The following FNDC3B variants were observed in gnomAD, a reference collection of about 807,000 sequenced individuals.
FNDC3B encodes fibronectin type III domain containing 3B.
In FNDC3B, 12 loss-of-function variants were observed where a neutral mutation model predicts 151.5. That is an observed-to-expected ratio of 0.08 (90% CI 0.05 to 0.13). The LOEUF (loss-of-function observed/expected upper bound fraction) is 0.13. FNDC3B is among the 10% of genes least tolerant of loss of function. The pLI, the probability that FNDC3B is intolerant of heterozygous loss-of-function variation, is 1.00. For synonymous variants in FNDC3B, 528 were observed against 549.0 expected (o/e 0.96, Z 0.54); for missense variants, 1,214 against 1,505.3 (o/e 0.81, Z 3.20).
At chr3:172,271,536 G>T (rs1297231882) in intron 6 of FNDC3B, among the ~76,000 whole-genome samples, 1 of 152,166 alleles carries the variant, frequency 6.6e-6, no homozygotes, top group Admixed American at 6.5e-5. Flanking sequence ...TGATGAAAAA[G>T]AAGATGAAAA....
In FNDC3B at chr3:172,149,806, G is replaced by GTTTTTTT. The variant is rs10561622; in HGVS notation, c.187+16284_187+16290dup. Among the ~76,000 whole-genome samples, 102 of 52,504 alleles carry GTTTTTTT rather than the reference G, an allele frequency of 1.9e-3. 22 individuals carry two copies. The highest frequency in any genetic ancestry group is 7.5e-3 in the African/African-American group (96 of 12,770). The allele number at this position is 52,504 out of a possible 152,430, so 34.4% of individuals were successfully genotyped here. On this transcript the variant is annotated intron_variant, in intron 3 of 25. Coordinates refer to ENST00000415807, the MANE Select transcript of FNDC3B (RefSeq NM_022763.4). ...TGTGTATACCTTTTGTATGTTGGGTGTTTTTTTTTTTTTTTTTTTTTTTTT... is the reference window on the plus strand; with the variant it reads ...TGTGTATACCTTTTGTATGTTGGGTGTTTTTTTTTTTTTTTTTTTTTTTTTTTTTTTT...
chr3:172,159,140 G>A (rs772770779), intron 3 of FNDC3B, among the ~76,000 whole-genome samples: 4 of 152,150 alleles, frequency 2.6e-5, no homozygotes, highest in Non-Finnish European at 4.4e-5. Flanking sequence ...TTAGCTGGGC[G>A]TGGTGGCACA....
At chr3:172,270,183 G>T (rs1476768889) in intron 6 of FNDC3B, among the ~76,000 whole-genome samples, 3 of 152,224 alleles carry the variant, frequency 2.0e-5, no homozygotes, top group Non-Finnish European at 4.4e-5. Context: ...GTGCTTGCGT[G>T]TGCACATGTG....
intron 25 of FNDC3B, among the ~76,000 whole-genome samples, chr3:172,388,226 C>T (rs1249449304): frequency 6.6e-6 from 1 of 152,152 alleles, no homozygotes; most frequent in Non-Finnish European, 1.5e-5. Flanking sequence ...TCTCGCCACC[C>T]TTCCCAAAAA....
chr3:172,134,715 T>C (rs994007505), intron 3 of FNDC3B, among the ~76,000 whole-genome samples: 1 of 152,106 alleles, frequency 6.6e-6, no homozygotes, highest in African/African-American at 2.4e-5. Flanking sequence ...TGAGTTTTAA[T>C]TGAAGTTAAT....
At chr3:172,389,926 A>T (rs1311801410) in intron 25 of FNDC3B, among the ~76,000 whole-genome samples, 1 of 152,224 alleles carries the variant, frequency 6.6e-6, no homozygotes, top group Non-Finnish European at 1.5e-5. Flanking sequence ...TTCTATCAAT[A>T]GACTCCATTT....
chr3:172,143,096 C>T (rs1208627930), intron 3 of FNDC3B, among the ~76,000 whole-genome samples: 2 of 152,062 alleles, frequency 1.3e-5, no homozygotes, highest in Admixed American at 6.6e-5. Flanking sequence ...TATGAATTTG[C>T]GCTGGGGTAG....
Position 172,098,929 on chromosome 3 carries a change from T to TGG in FNDC3B, c.-28-13521_-28-13520dup, listed in dbSNP as rs370573251. On this transcript the variant is annotated intron_variant, in intron 1 of 25. Coordinates refer to ENST00000415807, the MANE Select transcript of FNDC3B (RefSeq NM_022763.4). ...ACCTATTGTGGAGTCCTCGGTTGAA[T>TGG]GGGAGGTTTGTGAGAAGTGGTTTCC... Among the ~76,000 whole-genome samples, 223 of 152,292 alleles carry TGG rather than the reference T, an allele frequency of 1.5e-3. 1 individual carries two copies. Among genetic ancestry groups the TGG allele is most frequent in the African/African-American group, 5.2e-3 (216 of 41,568 alleles).
intron 1 of FNDC3B, among the ~76,000 whole-genome samples, chr3:172,077,864 C>T (rs2108494980): frequency 6.6e-6 from 1 of 152,228 alleles, no homozygotes; most frequent in East Asian, 1.9e-4. Context: ...TGCCTCAAAA[C>T]ACAAAATAGT....
At chr3:172,218,087 C>T (rs775490621) in intron 3 of FNDC3B, among the ~76,000 whole-genome samples, 1 of 122,878 alleles carries the variant, frequency 8.1e-6, no homozygotes, top group Non-Finnish European at 1.6e-5. Flanking sequence ...ACTAGAAATT[C>T]TTGAAATAAA....
chr3:172,241,005 G>T (rs564140378), intron 4 of FNDC3B, among the ~76,000 whole-genome samples: 1 of 152,090 alleles, frequency 6.6e-6, no homozygotes, highest in East Asian at 1.9e-4. Flanking sequence ...TTTTGTAAAC[G>T]TGTACTAAGC....
At chr3:172,204,555 C>T (rs1725328324) in intron 3 of FNDC3B, among the ~76,000 whole-genome samples, 1 of 152,068 alleles carries the variant, frequency 6.6e-6, no homozygotes, top group South Asian at 2.1e-4. Context: ...AGTTTTATTC[C>T]ACCTGGATAA....
intron 2 of FNDC3B, among the ~76,000 whole-genome samples, chr3:172,131,720 A>G (rs771034491): frequency 6.6e-5 from 10 of 152,264 alleles, no homozygotes; most frequent in Non-Finnish European, 1.2e-4. Context: ...GAGGCAAAAT[A>G]CATGGATATT....
At chr3:172,197,191 AAAAT>A (rs1724882074) in intron 3 of FNDC3B, among the ~76,000 whole-genome samples, 2 of 152,136 alleles carry the variant, frequency 1.3e-5, no homozygotes, top group Admixed American at 1.3e-4. Context: ...AAAATAAAAT[AAAAT>A]AAAATAAAGT....
rs772818376 is a variant in FNDC3B at position 172,251,324 on chromosome 3, G to A, written c.573G>A (p.Pro191=). ...ITREDQYSKP[P]HKKLKDRQID... is the part of the protein sequence containing the mutation. ...GAGAAGACCAGTACAGCAAGCCTCC[G>A]CACAAAAAACTGAAAGACCGCCAGA... The change falls in exon 6 of 26, where the codon CCG becomes CCA. Residue 191 remains proline, a synonymous_variant. Transcript: ENST00000415807. The A allele has an allele frequency of 3.8e-5, 61 of 1,613,692 alleles. 1 individual carries two copies. Among genetic ancestry groups the A allele is most frequent in the Non-Finnish European group, 4.6e-5 (54 of 1,179,800 alleles).
At chr3:172,381,793 A>T (rs959785101) in intron 25 of FNDC3B, among the ~76,000 whole-genome samples, 1 of 152,340 alleles carries the variant, frequency 6.6e-6, no homozygotes, top group African/African-American at 2.4e-5. Flanking sequence ...TACAAAGGAC[A>T]TGAACTCGTT....
At position 172,282,001 on chromosome 3, in the gene FNDC3B, G is replaced by A. The variant is rs554358184; in HGVS notation, c.791-3925G>A. On this transcript the variant is annotated intron_variant, in intron 6 of 25. Transcript: ENST00000415807. ...CTTTGTACAGCTGGGCTCTGAAACT[G>A]TTTTATGGAAAGAGTGGTCATTCAG... Among the ~76,000 whole-genome samples the A allele has an allele frequency of 1.1e-4, 17 of 152,228 alleles. No individual in the cohort carries two copies. The South Asian group carries it at 3.3e-3, about 30-fold the overall frequency.
At chr3:172,213,012 T>C (rs1260879783) in intron 3 of FNDC3B, among the ~76,000 whole-genome samples, 4 of 152,260 alleles carry the variant, frequency 2.6e-5, no homozygotes, top group African/African-American at 9.6e-5. Flanking sequence ...CTTTTCTGCC[T>C]TGTTTGTAGT....
chr3:172,176,892 T>C (rs1723623836), intron 3 of FNDC3B, among the ~76,000 whole-genome samples: 1 of 152,142 alleles, frequency 6.6e-6, no homozygotes, highest in South Asian at 2.1e-4. Context: ...GAATACATCA[T>C]CATGGGCAAG....
Sources: gnomAD v4.1 joint callset for allele counts (sites outside exome capture counted in the v4.1 genomes callset) on GRCh38, gnomAD v4.1.1 for gene constraint, MANE v1.5 for transcripts, NCBI Gene and HGNC (gene_info 2026-07-23, HGNC 2026-07-21) for gene names.